MICU1: variants seen among roughly 807,000 people sequenced by gnomAD.
The protein encoded by MICU1 is calcium uptake protein 1, mitochondrial.
MICU1 carries 45 observed loss-of-function variants against 56.8 expected under a neutral mutation model. That is an observed-to-expected ratio of 0.79 (90% CI 0.62 to 1.02). The LOEUF (loss-of-function observed/expected upper bound fraction) is 1.02, where lower values mean the gene tolerates loss of function less well. Among genes scored for constraint, MICU1 ranks in the 50% least tolerant of loss-of-function variants. MICU1 has a pLI of 0.00. For missense variants in MICU1, 504 were observed against 587.1 expected (o/e 0.86, Z 1.46); for synonymous variants, 186 against 195.1 (o/e 0.95, Z 0.39).
At position 72,384,086 on chromosome 10, in the gene MICU1, T is replaced by C. The variant is rs552589835; in HGVS notation, c.1181-8214A>G. Among the ~76,000 whole-genome samples, 5 of 152,178 alleles carry C rather than the reference T, an allele frequency of 3.3e-5. No individual in the cohort carries two copies. The East Asian group carries it at 9.7e-4, about 29-fold the overall frequency. On this transcript the variant is annotated intron_variant, in intron 10 of 11. Transcript: ENST00000361114. ...ACAGCTCACCACAGCCTCAACATCCTGGGCTCAAATGATCCTCCCGCCTCA... is the reference window on the plus strand; with the variant it reads ...ACAGCTCACCACAGCCTCAACATCCCGGGCTCAAATGATCCTCCCGCCTCA...
intron 8 of MICU1, among the ~76,000 whole-genome samples, chr10:72,453,947 T>A (rs1165248268): frequency 6.6e-6 from 1 of 152,102 alleles, no homozygotes; most frequent in Admixed American, 6.5e-5. Flanking sequence ...GCGATTTTCT[T>A]GCCTCAGCCT....
chr10:72,414,937 AAC>A (rs960318366), intron 9 of MICU1, among the ~76,000 whole-genome samples: 3 of 152,086 alleles, frequency 2.0e-5, no homozygotes, highest in Non-Finnish European at 4.4e-5. Flanking sequence ...CACTGAAAAA[AAC>A]AGTCTTCTTC....
At chr10:72,588,827 C>T (rs1431077927) in intron 1 of MICU1, among the ~76,000 whole-genome samples, 1 of 152,142 alleles carries the variant, frequency 6.6e-6, no homozygotes, top group East Asian at 1.9e-4. Context: ...TGTCTTTAGA[C>T]ATTAACAAGC....
chr10:72,475,323 AG>A (rs1564890815), intron 7 of MICU1, 26 bp from the exon 8 acceptor site: 14 of 1,548,212 alleles, frequency 9.0e-6, no homozygotes, highest in Non-Finnish European at 1.1e-5. Flanking sequence ...ACCCACATCC[AG>A]AAAAATATTA....
chr10:72,523,650 TTTATATTTAA>T (rs2132388512), intron 5 of MICU1, among the ~76,000 whole-genome samples: 1 of 152,266 alleles, frequency 6.6e-6, no homozygotes, highest in African/African-American at 2.4e-5. Flanking sequence ...TTCAGCTTAA[TTTATATTTAA>T]TTACTACAAC....
chr10:72,510,936 C>T (rs1279889465), intron 5 of MICU1, among the ~76,000 whole-genome samples: 1 of 152,142 alleles, frequency 6.6e-6, no homozygotes, highest in Non-Finnish European at 1.5e-5. Flanking sequence ...CCAGCCAAAT[C>T]CAGTCCATTT....
At chr10:72,505,148 A>ATT (rs1046241823) in intron 6 of MICU1, among the ~76,000 whole-genome samples, 1 of 146,176 alleles carries the variant, frequency 6.8e-6, no homozygotes, top group East Asian at 2.0e-4. Flanking sequence ...TAATTTTTGT[A>ATT]TTTTTTTTTT....
intron 4 of MICU1, among the ~76,000 whole-genome samples, chr10:72,544,542 T>C (rs188713316): frequency 7.2e-5 from 11 of 152,330 alleles, no homozygotes; most frequent in Admixed American, 7.2e-4. Context: ...CAATAGGCTA[T>C]GCTTTGCTCT....
At chr10:72,504,105 T>C (rs1207338082) in intron 6 of MICU1, among the ~76,000 whole-genome samples, 2 of 152,190 alleles carry the variant, frequency 1.3e-5, no homozygotes, top group Non-Finnish European at 2.9e-5. Context: ...ATTACCAATG[T>C]CATTTTTCAC....
At chr10:72,526,380 C>A (rs916026411) in intron 5 of MICU1, among the ~76,000 whole-genome samples, 3 of 152,112 alleles carry the variant, frequency 2.0e-5, no homozygotes, top group African/African-American at 7.2e-5. Flanking sequence ...CACTGCACCT[C>A]CGCCTCCCGG....
intron 1 of MICU1, among the ~76,000 whole-genome samples, chr10:72,616,434 A>G (rs892635523): frequency 6.6e-6 from 1 of 151,968 alleles, no homozygotes; most frequent in Admixed American, 6.6e-5. Flanking sequence ...CTAAAAATAC[A>G]AAATTAGCCA....
intron 6 of MICU1, among the ~76,000 whole-genome samples, chr10:72,494,043 G>A (rs906514585): frequency 1.3e-5 from 2 of 152,142 alleles, no homozygotes; most frequent in African/African-American, 4.8e-5. Context: ...TCTTCAAAGA[G>A]GTAATCAACC....
At chr10:72,590,562 G>A (rs1241978185) in intron 1 of MICU1, among the ~76,000 whole-genome samples, 2 of 152,094 alleles carry the variant, frequency 1.3e-5, no homozygotes. Context: ...TGTAATCCCA[G>A]CACTTTGGGA....
chr10:72,611,679 C>A (rs1258614808), intron 1 of MICU1, among the ~76,000 whole-genome samples: 1 of 152,114 alleles, frequency 6.6e-6, no homozygotes, highest in Non-Finnish European at 1.5e-5. Context: ...ACGAGAGGTA[C>A]ATGGTCTGCC....
At chr10:72,408,761 T>C (rs1172658365) in intron 9 of MICU1, among the ~76,000 whole-genome samples, 1 of 152,222 alleles carries the variant, frequency 6.6e-6, no homozygotes, top group Non-Finnish European at 1.5e-5. Flanking sequence ...ACAGGCCAGC[T>C]GAGCTTTTTG....
chr10:72,370,855 C>A (rs899414286), intron 11 of MICU1, among the ~76,000 whole-genome samples: 1 of 151,426 alleles, frequency 6.6e-6, no homozygotes, highest in African/African-American at 2.4e-5. Context: ...ACGTGGTAAA[C>A]CCTGTCTCTA....
chr10:72,484,285 T>C (rs1866393641), intron 6 of MICU1, among the ~76,000 whole-genome samples: 1 of 151,906 alleles, frequency 6.6e-6, no homozygotes, highest in Admixed American at 6.6e-5. Context: ...AACAAGACAA[T>C]AAGGCAATCT....
intron 6 of MICU1, among the ~76,000 whole-genome samples, chr10:72,486,752 T>A (rs1011071926): frequency 2.0e-5 from 3 of 152,246 alleles, no homozygotes; most frequent in African/African-American, 4.8e-5. Flanking sequence ...ATTACAGGCA[T>A]GAGCCACTGA....
intron 8 of MICU1, among the ~76,000 whole-genome samples, chr10:72,440,146 A>G (rs1229043951): frequency 1.3e-5 from 2 of 152,172 alleles, no homozygotes; most frequent in Non-Finnish European, 2.9e-5. Context: ...CTGACTTCAA[A>G]CTATACTACA....
Sources: gnomAD v4.1 joint callset for allele counts (sites outside exome capture counted in the v4.1 genomes callset) on GRCh38, gnomAD v4.1.1 for gene constraint, MANE v1.5 for transcripts, NCBI Gene and HGNC (gene_info 2026-07-23, HGNC 2026-07-21) for gene names.